The following FNDC3A variants were observed in gnomAD, a reference collection of about 807,000 sequenced individuals.
The protein encoded by FNDC3A is fibronectin type-III domain-containing protein 3A.
Under a neutral mutation model 148.9 loss-of-function variants are expected in FNDC3A, and 32 were observed. That is an observed-to-expected ratio of 0.21 (90% CI 0.16 to 0.29). The LOEUF (loss-of-function observed/expected upper bound fraction) is 0.29. FNDC3A is among the 10% of genes least tolerant of loss of function. FNDC3A has a pLI of 1.00. For synonymous variants in FNDC3A, 472 were observed against 473.6 expected, an observed-to-expected ratio of 1.00 and a Z score of 0.04; for missense variants, 1,191 against 1,452.8, an observed-to-expected ratio of 0.82 and a Z score of 2.93.
chr13:49,172,381 G>T (rs763990700), intron 11 of FNDC3A, among the ~76,000 whole-genome samples: 3 of 151,936 alleles, frequency 2.0e-5, no homozygotes, highest in Non-Finnish European at 2.9e-5. Context: ...CTTTCCTATG[G>T]CTGCTATAAC....
intron 2 of FNDC3A, among the ~76,000 whole-genome samples, chr13:49,039,348 CT>C (rs1465648103): frequency 6.6e-6 from 1 of 152,150 alleles, no homozygotes; most frequent in African/African-American, 2.4e-5. Flanking sequence ...TTAGCTCTAA[CT>C]TTTCCCAAGC....
chr13:49,198,449 A>C lies in FNDC3A; in HGVS notation c.2862A>C (p.Pro954=). The C allele has an allele frequency of 6.2e-7, 1 of 1,614,076 alleles. No homozygotes were observed. Among genetic ancestry groups the C allele is most frequent in the Non-Finnish European group, 8.5e-7 (1 of 1,179,984 alleles). ...KLKTKPLPPD[P]PRLECVAFSH... is the part of the protein sequence containing the mutation. ...AAACTAAGCCTCTCCCTCCTGATCC[A>C]CCTCGTCTGGAATGTGTTGCCTTTA... Residue 954 remains proline, a synonymous_variant, in exon 23 of 26, where the codon CCA becomes CCC. Coordinates refer to ENST00000492622, the MANE Select transcript of FNDC3A (RefSeq NM_001079673.2).
intron 10 of FNDC3A, 80 bp downstream of exon 10, chr13:49,168,831 C>A: frequency 7.6e-7 from 1 of 1,318,576 alleles, no homozygotes. Flanking sequence ...TCAATTGTTG[C>A]TGGAGACAAA....
intron 2 of FNDC3A, among the ~76,000 whole-genome samples, chr13:49,029,730 A>G (rs981314194): frequency 1.3e-5 from 2 of 152,214 alleles, no homozygotes; most frequent in African/African-American, 4.8e-5. Context: ...TCAAGAACAA[A>G]AAAGACTCAA....
At chr13:49,178,504 T>A in intron 13 of FNDC3A, 64 bp from the exon 14 acceptor site, 2 of 997,114 alleles carry the variant, frequency 2.0e-6, no homozygotes, top group Non-Finnish European at 3.1e-6. Flanking sequence ...TTTTCACATA[T>A]TCATTATTGC....
At chr13:49,118,569 C>T (rs957724018) in intron 4 of FNDC3A, among the ~76,000 whole-genome samples, 2 of 152,182 alleles carry the variant, frequency 1.3e-5, no homozygotes, top group African/African-American at 4.8e-5. Context: ...TCAGCGGATC[C>T]TACCTCCACA....
intron 2 of FNDC3A, among the ~76,000 whole-genome samples, chr13:49,049,194 G>T (rs1184036349): frequency 6.6e-6 from 1 of 152,148 alleles, no homozygotes; most frequent in African/African-American, 2.4e-5. Flanking sequence ...TTAATATGAT[G>T]TTGGATTTGT....
At chr13:49,027,723 A>G (rs1020455874) in intron 2 of FNDC3A, among the ~76,000 whole-genome samples, 2 of 152,202 alleles carry the variant, frequency 1.3e-5, no homozygotes, top group African/African-American at 4.8e-5. Flanking sequence ...AAGAAACAAC[A>G]GGAGAATTAA....
intron 4 of FNDC3A, among the ~76,000 whole-genome samples, chr13:49,119,187 C>A (rs564763175): frequency 6.6e-6 from 1 of 152,344 alleles, no homozygotes; most frequent in East Asian, 1.9e-4. Flanking sequence ...TGTTCTGCAG[C>A]CTCTGTTGGC....
At chr13:48,992,621 T>C (rs562796930) in intron 1 of FNDC3A, among the ~76,000 whole-genome samples, 4 of 152,184 alleles carry the variant, frequency 2.6e-5, no homozygotes, top group Non-Finnish European at 5.9e-5. Context: ...AAGTTCATTA[T>C]CTTGATTATG....
Position 49,191,048 on chromosome 13 carries a change from G to A in FNDC3A, c.1978G>A (p.Val660Met), listed in dbSNP as rs1370437157. 2 of 1,613,708 alleles carry A rather than the reference G, an allele frequency of 1.2e-6. No individual in the cohort carries two copies. The highest frequency in any genetic ancestry group is 1.1e-5 in the South Asian group (1 of 91,054). The stretch of plus-strand genomic sequence containing the variant: ...ATCTTTACTTGTGCAGACTCCAGCT[G>A]TGCCTCCTGGCCCATGCCTCCCTCC... ...SESLLVQTPAVPPGPCLPPRL... is the reference protein window; with the variant it reads ...SESLLVQTPAMPPGPCLPPRL... Residue 660 changes from valine (V) to methionine (M), a missense_variant, in exon 18 of 26, where the codon GTG (valine) becomes ATG (methionine). Physicochemically the swap from Val to Met is conservative, Grantham distance 21 (BLOSUM62 1). Transcript: ENST00000492622.
At chr13:49,081,305 A>G (rs1358045282) in intron 3 of FNDC3A, among the ~76,000 whole-genome samples, 1 of 152,224 alleles carries the variant, frequency 6.6e-6, no homozygotes, top group Admixed American at 6.5e-5. Context: ...AAAAATACAC[A>G]GACGAGCTAT....
At chr13:49,146,192 C>A (rs1315483990) in intron 8 of FNDC3A, 1 of 376,168 alleles carries the variant, frequency 2.7e-6, no homozygotes, top group African/African-American at 2.1e-5. Context: ...ATAGATGGTT[C>A]AGTATTCACG....
At chr13:49,185,847 A>G in intron 14 of FNDC3A, 117 bp from the exon 15 acceptor site, 1 of 709,564 alleles carries the variant, frequency 1.4e-6, no homozygotes, top group East Asian at 2.8e-5. Flanking sequence ...ATTCCAAGCT[A>G]AAAAAAATGT....
In FNDC3A at chr13:49,000,791, A is replaced by G. The variant is rs543617692; in HGVS notation, c.-39-5361A>G. 2.0e-5 allele frequency among the ~76,000 whole-genome samples: 3 copies of G among 152,154 alleles called. No homozygotes were observed. The East Asian group carries it at 5.8e-4, about 29-fold the overall frequency. ...TCAGTGTATGGCTTTCACCTCCTTG[A>G]TTAGGTTTATTCCTAAGTACTTTAT... On this transcript the variant is annotated intron_variant, in intron 1 of 25. Transcript: ENST00000492622.
At chr13:49,027,243 A>C (rs1170004898) in intron 2 of FNDC3A, among the ~76,000 whole-genome samples, 1 of 152,196 alleles carries the variant, frequency 6.6e-6, no homozygotes. Context: ...GTTTAAACTC[A>C]AAATTCTACA....
At chr13:49,115,634 T>A (rs1470714162) in intron 4 of FNDC3A, among the ~76,000 whole-genome samples, 1 of 152,226 alleles carries the variant, frequency 6.6e-6, no homozygotes, top group Admixed American at 6.5e-5. Context: ...TTCAAACCTT[T>A]GCTGGCTGCA....
intron 19 of FNDC3A, among the ~76,000 whole-genome samples, chr13:49,192,558 A>G (rs532872820): frequency 6.6e-6 from 1 of 152,192 alleles, no homozygotes; most frequent in South Asian, 2.1e-4. Context: ...CGGCCTCCCA[A>G]AGTAGTGGGA....
chr13:49,038,508 G>A (rs913896761), intron 2 of FNDC3A, among the ~76,000 whole-genome samples: 39 of 152,242 alleles, frequency 2.6e-4, no homozygotes, highest in East Asian at 1.9e-4. Flanking sequence ...GAAAGACTAC[G>A]GAGGAAAACA....
Sources: gnomAD v4.1 joint callset for allele counts (sites outside exome capture counted in the v4.1 genomes callset) on GRCh38, gnomAD v4.1.1 for gene constraint, MANE v1.5 for transcripts, NCBI Gene and HGNC (gene_info 2026-07-23, HGNC 2026-07-21) for gene names.